ASIC2: variants seen among roughly 807,000 people sequenced by gnomAD.
ASIC2 encodes acid sensing ion channel subunit 2, also known as acid-sensing ion channel 2.
A neutral mutation model predicts 57.3 loss-of-function variants in ASIC2; 25 were observed. That is an observed-to-expected ratio of 0.44 (90% CI 0.32 to 0.61). The LOEUF is 0.61. Ranked by LOEUF, ASIC2 falls within the 20% of genes least tolerant of loss-of-function variation. The probability of loss-of-function intolerance (pLI) is 0.06; values close to 1 mark genes in which losing one functional copy is unlikely to be tolerated. For missense variants in ASIC2, 641 were observed against 738.1 expected (o/e 0.87, Z 1.52); for synonymous variants, 319 against 307.5 (o/e 1.04, Z -0.39).
chr17:33,295,634 G>A (rs138670769), upstream of ASIC2, among the ~76,000 whole-genome samples: 113 of 152,224 alleles, frequency 7.4e-4, no homozygotes, highest in Non-Finnish European at 4.4e-4. Flanking sequence ...ACTATGACCC[G>A]TTTGCAGACA....
intron 1 of ASIC2, among the ~76,000 whole-genome samples, chr17:33,306,329 C>T (rs1311338590): frequency 1.3e-5 from 2 of 152,170 alleles, no homozygotes; most frequent in Admixed American, 1.3e-4. Context: ...GCAAACTTCT[C>T]TTGGAGTGTT....
chr17:33,249,444 G>C (rs1407720921), intron 1 of ASIC2, among the ~76,000 whole-genome samples: 1 of 152,126 alleles, frequency 6.6e-6, no homozygotes, highest in Non-Finnish European at 1.5e-5. Flanking sequence ...AAGGGAGCGA[G>C]GGTAGAGAAA....
At chr17:33,503,526 C>T (rs1914162123) in intron 1 of ASIC2, among the ~76,000 whole-genome samples, 1 of 152,112 alleles carries the variant, frequency 6.6e-6, no homozygotes, top group East Asian at 1.9e-4. Context: ...AAAGGCAACC[C>T]TGTTGATAAA....
chr17:33,832,184 A>G (rs1480046875), intron 1 of ASIC2, among the ~76,000 whole-genome samples: 1 of 152,222 alleles, frequency 6.6e-6, no homozygotes, highest in Non-Finnish European at 1.5e-5. Flanking sequence ...ATTCTCCCTC[A>G]ATGTAGAAAT....
chr17:33,920,566 C>G (rs4794977), intron 1 of ASIC2, among the ~76,000 whole-genome samples: 73,334 of 151,842 alleles, frequency 0.48, 18,257 homozygotes, highest in African/African-American at 0.6. Flanking sequence ...AGAAGGGAGA[C>G]AGGGAGGGGG....
chr17:34,087,944 A>C (rs551839091), intron 1 of ASIC2, among the ~76,000 whole-genome samples: 7 of 152,166 alleles, frequency 4.6e-5, no homozygotes, highest in East Asian at 1.9e-4. Flanking sequence ...CATTCTTCTA[A>C]ATTTTTTTCA....
chr17:33,186,974 T>C (rs1906222455), intron 1 of ASIC2, among the ~76,000 whole-genome samples: 1 of 152,192 alleles, frequency 6.6e-6, no homozygotes, highest in Non-Finnish European at 1.5e-5. Context: ...CAACCGGTGA[T>C]GACCAGCTCA....
At chr17:33,237,730 G>A (rs1195972345) in intron 1 of ASIC2, among the ~76,000 whole-genome samples, 1 of 152,220 alleles carries the variant, frequency 6.6e-6, no homozygotes. Flanking sequence ...GGTTGAGGCA[G>A]GATTAAACGA....
At chr17:33,364,191 G>A (rs1300666089) in intron 1 of ASIC2, among the ~76,000 whole-genome samples, 5 of 152,086 alleles carry the variant, frequency 3.3e-5, no homozygotes, top group African/African-American at 4.8e-5. Context: ...AGGAAGAAAG[G>A]CTACTTAGAG....
At chr17:33,046,384 T>C (rs16589) in intron 3 of ASIC2, among the ~76,000 whole-genome samples, 103,727 of 152,150 alleles carry the variant, frequency 0.68, 35,567 homozygotes, top group East Asian at 0.86. Flanking sequence ...GTAGAGCACA[T>C]CTCAATGCAT....
chr17:33,409,534 C>T (rs1440540593), intron 1 of ASIC2, among the ~76,000 whole-genome samples: 1 of 152,204 alleles, frequency 6.6e-6, no homozygotes, highest in African/African-American at 2.4e-5. Flanking sequence ...TTGGCATCAG[C>T]CTTGTCTCAG....
At chr17:33,216,269 C>CA (rs1907484558) in intron 1 of ASIC2, among the ~76,000 whole-genome samples, 1 of 152,142 alleles carries the variant, frequency 6.6e-6, no homozygotes, top group African/African-American at 2.4e-5. Flanking sequence ...GATGTCTAAG[C>CA]AAAAACTCTA....
intron 1 of ASIC2, among the ~76,000 whole-genome samples, chr17:33,811,859 G>T (rs915035242): frequency 1.3e-5 from 2 of 152,242 alleles, no homozygotes; most frequent in South Asian, 2.1e-4. Flanking sequence ...GGTCATGTTT[G>T]CTCTGACCTC....
intron 1 of ASIC2, among the ~76,000 whole-genome samples, chr17:33,312,635 CAAGA>C (rs1906478626): frequency 6.6e-6 from 1 of 152,124 alleles, no homozygotes; most frequent in Admixed American, 6.5e-5. Flanking sequence ...TAAAGATCAC[CAAGA>C]AAGAGTCAGT....
intron 1 of ASIC2, among the ~76,000 whole-genome samples, chr17:33,129,310 C>G (rs756162104): frequency 3.3e-5 from 5 of 152,160 alleles, no homozygotes; most frequent in Non-Finnish European, 7.4e-5. Flanking sequence ...TTAATGTTGA[C>G]AGTCAATTCT....
intron 1 of ASIC2, among the ~76,000 whole-genome samples, chr17:33,322,791 C>T (rs1319311314): frequency 6.6e-6 from 1 of 151,274 alleles, no homozygotes; most frequent in Non-Finnish European, 1.5e-5. Flanking sequence ...AGGCTGGGCA[C>T]GAGTTGGAGG....
intron 1 of ASIC2, among the ~76,000 whole-genome samples, chr17:33,541,088 A>G (rs1004002661): frequency 2.6e-5 from 4 of 152,066 alleles, no homozygotes; most frequent in Admixed American, 1.3e-4. Context: ...AAAAAAATCA[A>G]TGACTTATTT....
At chr17:33,129,519 A>G (rs1260266654) in intron 1 of ASIC2, among the ~76,000 whole-genome samples, 2 of 152,266 alleles carry the variant, frequency 1.3e-5, no homozygotes, top group African/African-American at 4.8e-5. Flanking sequence ...AGAGAAATAA[A>G]ATAACAACTA....
intron 1 of ASIC2, among the ~76,000 whole-genome samples, chr17:33,482,996 G>A (rs1353606705): frequency 6.6e-6 from 1 of 152,194 alleles, no homozygotes; most frequent in African/African-American, 2.4e-5. Flanking sequence ...TGACTAGGAA[G>A]GACAGAGATG....
Sources: gnomAD v4.1 joint callset for allele counts (sites outside exome capture counted in the v4.1 genomes callset) on GRCh38, gnomAD v4.1.1 for gene constraint, MANE v1.5 for transcripts, NCBI Gene and HGNC (gene_info 2026-07-23, HGNC 2026-07-21) for gene names.